The following GALNT13 variants were observed in gnomAD, a reference collection of about 807,000 sequenced individuals.
The protein encoded by GALNT13 is UDP-GalNAc:polypeptide N-acetylgalactosaminyltransferase 13.
GALNT13 carries 28 observed loss-of-function variants against 64.2 expected under a neutral mutation model. The observed-to-expected ratio is 0.44, with a 90% confidence interval of 0.32 to 0.60. The LOEUF (loss-of-function observed/expected upper bound fraction) is 0.60. Ranked by LOEUF, GALNT13 falls within the 20% of genes least tolerant of loss-of-function variation. The probability of loss-of-function intolerance (pLI) is 0.05; values close to 1 mark genes in which losing one functional copy is unlikely to be tolerated. For missense variants in GALNT13, 577 were observed against 669.8 expected, an observed-to-expected ratio of 0.86 and a Z score of 1.53; for synonymous variants, 214 against 224.6, an observed-to-expected ratio of 0.95 and a Z score of 0.42.
intron 3 of GALNT13, among the ~76,000 whole-genome samples, chr2:154,041,284 A>G (rs929039803): frequency 1.4e-5 from 2 of 140,558 alleles, no homozygotes; most frequent in African/African-American, 4.9e-5. Flanking sequence ...AGACTATATT[A>G]TTTTGCTTGT....
the GALNT13 span, among the ~76,000 whole-genome samples, chr2:153,706,837 C>T: frequency 6.6e-6 from 1 of 152,112 alleles, no homozygotes; most frequent in Admixed American, 6.6e-5. Flanking sequence ...AATAAACTAC[C>T]TAGACTTTCT....
At chr2:153,079,071 T>C in the GALNT13 span, among the ~76,000 whole-genome samples, 1 of 152,104 alleles carries the variant, frequency 6.6e-6, no homozygotes, top group South Asian at 2.1e-4. Flanking sequence ...GCAAGGTCAG[T>C]AGATTAGGAG....
intron 3 of GALNT13, among the ~76,000 whole-genome samples, chr2:154,032,864 C>CTTTTTTT (rs70981694): frequency 3.6e-5 from 4 of 110,100 alleles, no homozygotes; most frequent in Non-Finnish European, 7.1e-5. Context: ...CCTACATTTC[C>CTTTTTTT]TTTTTTTTTT....
chr2:154,019,597 A>G (rs909513655), intron 3 of GALNT13, among the ~76,000 whole-genome samples: 1 of 138,728 alleles, frequency 7.2e-6, no homozygotes, highest in Non-Finnish European at 1.5e-5. Flanking sequence ...CCACAGAGTA[A>G]GACTCCACAC....
the GALNT13 span, among the ~76,000 whole-genome samples, chr2:153,752,754 A>G: frequency 6.6e-6 from 1 of 152,116 alleles, no homozygotes; most frequent in Admixed American, 6.6e-5. Context: ...TTGGTGTTCT[A>G]TAACCTTCTT....
At chr2:154,243,971 T>C (rs1689635216) in intron 6 of GALNT13, among the ~76,000 whole-genome samples, 1 of 152,194 alleles carries the variant, frequency 6.6e-6, no homozygotes, top group African/African-American at 2.4e-5. Flanking sequence ...TTTTAGTCCA[T>C]AGAGTGTTGT....
chr2:153,455,291 G>A, the GALNT13 span, among the ~76,000 whole-genome samples: 1 of 152,168 alleles, frequency 6.6e-6, no homozygotes, highest in African/African-American at 2.4e-5. Flanking sequence ...ATCCTTTTAT[G>A]GGATGAATAA....
At chr2:153,685,869 T>A in the GALNT13 span, among the ~76,000 whole-genome samples, 15 of 151,762 alleles carry the variant, frequency 9.9e-5, no homozygotes, top group East Asian at 5.8e-4. Flanking sequence ...TTTCTGCATA[T>A]AGCTAGTCAG....
the GALNT13 span, among the ~76,000 whole-genome samples, chr2:153,518,438 C>A: frequency 2.6e-5 from 4 of 152,046 alleles, no homozygotes; most frequent in Admixed American, 2.0e-4. Context: ...AGTGGAGAAA[C>A]AAACAGAAGA....
chr2:154,417,634 C>G (rs936037407), intron 11 of GALNT13, among the ~76,000 whole-genome samples: 6 of 151,804 alleles, frequency 4.0e-5, no homozygotes, highest in East Asian at 1.9e-4. Context: ...CCTCAGCCCC[C>G]CCGAGTAGCT....
the GALNT13 span, among the ~76,000 whole-genome samples, chr2:153,419,128 C>T: frequency 6.6e-6 from 1 of 152,134 alleles, no homozygotes; most frequent in Admixed American, 6.5e-5. Context: ...ACTCACAGTT[C>T]CTCAGGGCTG....
At chr2:153,160,064 G>C in the GALNT13 span, among the ~76,000 whole-genome samples, 1 of 152,028 alleles carries the variant, frequency 6.6e-6, no homozygotes, top group Non-Finnish European at 1.5e-5. Flanking sequence ...AGTAACAATT[G>C]GGAAAAAAAG....
At chr2:153,441,072 T>C in the GALNT13 span, among the ~76,000 whole-genome samples, 1 of 152,220 alleles carries the variant, frequency 6.6e-6, no homozygotes, top group African/African-American at 2.4e-5. Flanking sequence ...AGGGTTTTTA[T>C]GGTTTTAGGT....
At chr2:153,336,192 G>A in the GALNT13 span, among the ~76,000 whole-genome samples, 1 of 152,208 alleles carries the variant, frequency 6.6e-6, no homozygotes, top group African/African-American at 2.4e-5. Flanking sequence ...GAAATGTGGG[G>A]TATGATCCTC....
At chr2:153,467,049 C>T in the GALNT13 span, among the ~76,000 whole-genome samples, 2 of 151,964 alleles carry the variant, frequency 1.3e-5, no homozygotes, top group African/African-American at 4.8e-5. Context: ...TCATTGATAT[C>T]ATGAAATAAG....
the GALNT13 span, among the ~76,000 whole-genome samples, chr2:153,349,982 A>C: frequency 1.3e-5 from 2 of 152,132 alleles, no homozygotes; most frequent in Non-Finnish European, 2.9e-5. Context: ...CTTCATGAGC[A>C]CTCTAGCACT....
the GALNT13 span, among the ~76,000 whole-genome samples, chr2:153,172,649 G>T: frequency 6.6e-6 from 1 of 152,082 alleles, no homozygotes. Context: ...ACTAGTACCT[G>T]GGCAAACAAA....
chr2:153,427,989 A>G, the GALNT13 span, among the ~76,000 whole-genome samples: 1 of 152,118 alleles, frequency 6.6e-6, no homozygotes, highest in African/African-American at 2.4e-5. Flanking sequence ...TTTGCTCTTC[A>G]TTATTTTTCC....
At chr2:153,232,725 C>T in the GALNT13 span, among the ~76,000 whole-genome samples, 9 of 152,184 alleles carry the variant, frequency 5.9e-5, no homozygotes, top group East Asian at 1.9e-4. Flanking sequence ...TACCACTTAA[C>T]GCTCTTAATC....
Sources: gnomAD v4.1 joint callset for allele counts (sites outside exome capture counted in the v4.1 genomes callset) on GRCh38, gnomAD v4.1.1 for gene constraint, MANE v1.5 for transcripts, NCBI Gene and HGNC (gene_info 2026-07-23, HGNC 2026-07-21) for gene names.